Variants in AGPAT3 observed in about 807,000 individuals in gnomAD.
AGPAT3 encodes the protein 1-acylglycerol-3-phosphate O-acyltransferase 3.
Under a neutral mutation model 47.3 loss-of-function variants are expected in AGPAT3, and 5 were observed. The observed-to-expected ratio is 0.11, with a 90% CI of 0.06 to 0.22. The LOEUF (loss-of-function observed/expected upper bound fraction) is 0.22. Ranked by LOEUF, AGPAT3 falls within the 10% of genes least tolerant of loss-of-function variation. The pLI, the probability that AGPAT3 is intolerant of heterozygous loss-of-function variation, is 1.00. For missense variants in AGPAT3, 315 were observed against 493.0 expected (o/e 0.64, Z 3.42); for synonymous variants, 212 against 208.3 (o/e 1.02, Z -0.15).
rs148475122 is a variant in AGPAT3, at chr21:43,967,766, T to C, written c.179-180T>C. ...TACCTTCCATCTGTCTCCTCCCAAC[T>C]GTTGCTTAGAGAAAGTTATTGTAAT... On this transcript the variant is annotated intron_variant, in intron 3 of 9. Transcript: ENST00000291572. 90 of 626,312 alleles carry C rather than the reference T, an allele frequency of 1.4e-4. No homozygotes were observed. In the African/African-American group the frequency reaches 1.6e-3, roughly 11 times the overall value. The allele number at this position is 626,312 out of a possible 1,614,324, so 38.8% of individuals were successfully genotyped here. A position where few individuals can be genotyped will look rare whatever the true frequency, so the allele number is the denominator to read the frequency against.
intron 2 of AGPAT3, among the ~76,000 whole-genome samples, chr21:43,907,798 A>G (rs2086538751): frequency 6.6e-6 from 1 of 152,234 alleles, no homozygotes. Flanking sequence ...TCCCTCTGTG[A>G]AAAATACGGG....
At chr21:43,921,647 C>T (rs866905745) in intron 2 of AGPAT3, among the ~76,000 whole-genome samples, 19 of 152,328 alleles carry the variant, frequency 1.2e-4, no homozygotes, top group Middle Eastern at 3.4e-3. Context: ...CTCTGGGCTG[C>T]ACCAGGTGAT....
At chr21:43,878,359 T>C (rs1411663872) in intron 1 of AGPAT3, among the ~76,000 whole-genome samples, 2 of 152,246 alleles carry the variant, frequency 1.3e-5, no homozygotes, top group Non-Finnish European at 2.9e-5. Context: ...GTCGTGGCTC[T>C]GTCTCTGCGG....
At chr21:43,969,736 C>T (rs775898176) in intron 5 of AGPAT3, among the ~76,000 whole-genome samples, 2 of 151,986 alleles carry the variant, frequency 1.3e-5, no homozygotes, top group South Asian at 2.1e-4. Flanking sequence ...CTCGCTCTGT[C>T]GCCCAGGCTG....
chr21:43,947,260 G>A (rs1055912286), intron 2 of AGPAT3, among the ~76,000 whole-genome samples: 4 of 152,246 alleles, frequency 2.6e-5, no homozygotes, highest in Admixed American at 6.5e-5. Context: ...CTGGTCTTTA[G>A]TTCCGATTCC....
chr21:43,974,489 G>A (rs546895765), intron 7 of AGPAT3, among the ~76,000 whole-genome samples: 123 of 150,972 alleles, frequency 8.1e-4, no homozygotes, highest in African/African-American at 2.8e-3. Flanking sequence ...AAAATGGGTG[G>A]GTTTGGTGTG....
In AGPAT3 at chr21:43,939,531, A is replaced by G. The variant is rs904782466; in HGVS notation, c.-48-20103A>G. Reference sequence around the variant, plus strand: ...CTCTTCCAGCGTGGGAGCTCTGAACATGGGACCCGGAGCACCACCGTTTAG... The same window carrying G: ...CTCTTCCAGCGTGGGAGCTCTGAACGTGGGACCCGGAGCACCACCGTTTAG... On this transcript the variant is annotated intron_variant, in intron 2 of 9. Transcript: ENST00000291572. This position sits in a 1 kb window ranked among gnomAD's most constrained non-coding sequence, Gnocchi z 4.4. Among the ~76,000 whole-genome samples the G allele has an allele frequency of 6.6e-6, 1 of 152,154 alleles. No homozygotes were observed. The highest frequency in any genetic ancestry group is 1.5e-5 in the Non-Finnish European group (1 of 68,024).
At chr21:43,980,387 T>C (rs1007405622) in intron 8 of AGPAT3, among the ~76,000 whole-genome samples, 1 of 150,384 alleles carries the variant, frequency 6.6e-6, no homozygotes, top group African/African-American at 2.5e-5. Context: ...GGCTGCGGAG[T>C]GTCTGCTCTA....
chr21:43,967,889 C>G (rs2146734414), intron 3 of AGPAT3, 57 bp from the exon 4 acceptor site: 1 of 1,569,878 alleles, frequency 6.4e-7, no homozygotes. Flanking sequence ...TGGGCGCTCC[C>G]TGACCATCCC....
At chr21:43,973,652 T>C (rs1383668651) in intron 7 of AGPAT3, among the ~76,000 whole-genome samples, 2 of 152,240 alleles carry the variant, frequency 1.3e-5, no homozygotes, top group African/African-American at 4.8e-5. Flanking sequence ...TTTGAACTTG[T>C]AAGGCTTCGG....
chr21:43,873,395 A>C (rs2085665246), intron 1 of AGPAT3, among the ~76,000 whole-genome samples: 1 of 152,214 alleles, frequency 6.6e-6, no homozygotes, highest in Non-Finnish European at 1.5e-5. Context: ...GCGCACCAGC[A>C]AAACCCATGT....
intron 1 of AGPAT3, among the ~76,000 whole-genome samples, chr21:43,897,733 C>T (rs571709589): frequency 2.0e-4 from 30 of 151,702 alleles, no homozygotes; most frequent in Non-Finnish European, 3.8e-4. Context: ...ACTTCCTAGA[C>T]GGGGTGGCAG....
rs1000588764 is a variant in AGPAT3, at chr21:43,973,727, C to T, written c.767+2237C>T. Among the ~76,000 whole-genome samples, 8 of 152,362 alleles carry T rather than the reference C, an allele frequency of 5.3e-5. No homozygotes were observed. In the East Asian group the frequency reaches 7.7e-4, roughly 15 times the overall value. On this transcript the variant is annotated intron_variant, in intron 7 of 9. Coordinates refer to ENST00000291572, the MANE Select transcript of AGPAT3 (RefSeq NM_020132.5). ...CAGTGTCCCCGCGCGCCCCTGCAGC[C>T]GAGCCATCACAGCGCCAGGCTCCCC... is the stretch of plus-strand genomic sequence containing the variant.
chr21:43,942,167 C>T (rs910066039), intron 2 of AGPAT3, among the ~76,000 whole-genome samples: 9 of 152,358 alleles, frequency 5.9e-5, no homozygotes, highest in Non-Finnish European at 8.8e-5. Flanking sequence ...TGGGAGCTTC[C>T]GGAACCTGTG....
rs528477226 is a variant in AGPAT3, at chr21:43,984,791, C to CTT, written c.*2408_*2409dup. The CTT allele has an allele frequency of 0.013, 2,368 of 183,524 alleles. 47 individuals carry two copies. Among genetic ancestry groups the CTT allele is most frequent in the African/African-American group, 0.045 (1,877 of 41,586 alleles). 11.4% of individuals were successfully genotyped at this position (183,524 alleles called of 1,614,324 possible). A position where few individuals can be genotyped will look rare whatever the true frequency, so the allele number is the denominator to read the frequency against. ...TTAAATTCATAAATCCCAGAACAGT[C>CTT]TTTTTTTTTTCTTTTTCCTTTACAC... is the stretch of plus-strand genomic sequence containing the variant. On this transcript the variant is annotated 3_prime_UTR_variant, in exon 10 of 10. Coordinates refer to ENST00000291572, the MANE Select transcript of AGPAT3 (RefSeq NM_020132.5).
chr21:43,968,013 A>G lies in AGPAT3; in HGVS notation c.246A>G (p.Val82=). Residue 82 remains valine, a synonymous_variant, in exon 4 of 10, where the codon GTA becomes GTG. Coordinates refer to ENST00000291572, the MANE Select transcript of AGPAT3 (RefSeq NM_020132.5). The part of the protein sequence containing the change: ...ECTLFTDQAT[V]ERFGKEHAVI... Reference sequence around the variant, plus strand: ...CACTGTTCACGGACCAGGCCACGGTAGAGCGCTTTGGGAAGGAGCACGCAG... The same window carrying G: ...CACTGTTCACGGACCAGGCCACGGTGGAGCGCTTTGGGAAGGAGCACGCAG... 6.2e-7 allele frequency: 1 copy of G among 1,613,938 alleles called. No individual in the cohort carries two copies. Among genetic ancestry groups the G allele is most frequent in the Non-Finnish European group, 8.5e-7 (1 of 1,179,992 alleles).
intron 7 of AGPAT3, among the ~76,000 whole-genome samples, chr21:43,977,417 A>C (rs1368711470): frequency 1.3e-5 from 2 of 152,208 alleles, no homozygotes; most frequent in Non-Finnish European, 2.9e-5. Context: ...TCATGGGACC[A>C]GGGGCGTGGC....
chr21:43,971,555 G>T (rs2089396691), intron 7 of AGPAT3, 65 bp downstream of exon 7: 2 of 1,515,076 alleles, frequency 1.3e-6, no homozygotes, highest in East Asian at 2.3e-5. Context: ...GCTGGGCAGA[G>T]GCCAGGAGGG....
chr21:43,968,189 A>T, intron 4 of AGPAT3, 74 bp downstream of exon 4: 115 of 624,032 alleles, frequency 1.8e-4, no homozygotes, highest in East Asian at 5.0e-4. Flanking sequence ...GCGGGGACCC[A>T]GGGAGGGCCG....
Sources: allele counts gnomAD v4.1 joint callset (sites outside exome capture counted in the v4.1 genomes callset), GRCh38; gene constraint gnomAD v4.1.1; non-coding constraint Gnocchi (gnomAD v3.1); transcripts MANE v1.5; gene names NCBI Gene and HGNC (gene_info 2026-07-23, HGNC 2026-07-21).